The following GRIA1 variants were observed in gnomAD, a reference collection of about 807,000 sequenced individuals.
GRIA1 encodes the protein glutamate receptor 1.
In GRIA1, 31 loss-of-function variants were observed where a neutral mutation model predicts 99.2. The observed-to-expected ratio is 0.31, with a 90% confidence interval of 0.23 to 0.42. The LOEUF is 0.42. GRIA1 is among the 10% of genes least tolerant of loss of function. The pLI is 1.00. For synonymous variants in GRIA1, 438 were observed against 432.4 expected, an observed-to-expected ratio of 1.01 and a Z score of -0.16; for missense variants, 782 against 1,157.5, an observed-to-expected ratio of 0.68 and a Z score of 4.71.
At chr5:153,576,797 T>C (rs1333849871) in intron 2 of GRIA1, among the ~76,000 whole-genome samples, 1 of 152,242 alleles carries the variant, frequency 6.6e-6, no homozygotes, top group Non-Finnish European at 1.5e-5. Context: ...GTGAAGGTTT[T>C]ATTGCCACTG....
intron 11 of GRIA1, among the ~76,000 whole-genome samples, chr5:153,722,806 G>A (rs1378168757): frequency 2.0e-5 from 3 of 152,182 alleles, no homozygotes; most frequent in African/African-American, 2.4e-5. Flanking sequence ...AGACTCCTAC[G>A]AGAAAATGTC....
intron 11 of GRIA1, among the ~76,000 whole-genome samples, chr5:153,738,860 T>C (rs1761577317): frequency 6.6e-6 from 1 of 151,798 alleles, no homozygotes. Context: ...GTAGCTGGGA[T>C]TACAGGCATG....
chr5:153,562,295 G>A (rs890290166), intron 2 of GRIA1, among the ~76,000 whole-genome samples: 3 of 152,136 alleles, frequency 2.0e-5, no homozygotes, highest in Admixed American at 6.5e-5. Context: ...GTGCATATGA[G>A]GGAGTTACAG....
At chr5:153,762,312 CAA>C (rs1001386999) in intron 11 of GRIA1, among the ~76,000 whole-genome samples, 2 of 152,024 alleles carry the variant, frequency 1.3e-5, no homozygotes, top group East Asian at 1.9e-4. Flanking sequence ...CAGTTGAAAA[CAA>C]AATAAAATTT....
At chr5:153,547,783 G>C (rs1431822394) in intron 2 of GRIA1, among the ~76,000 whole-genome samples, 1 of 152,124 alleles carries the variant, frequency 6.6e-6, no homozygotes, top group African/African-American at 2.4e-5. Context: ...GGAGTAATTA[G>C]CTGGAAGGAT....
rs143290794 is a variant in GRIA1, at chr5:153,626,964, C to T, written c.221-19964C>T. On this transcript the variant is annotated intron_variant, in intron 2 of 15. Transcript: ENST00000285900. ...AATTAGCACAACTGATAAAGATGCT[C>T]TCTAAAGCACCTTCGGTTCTGATAG... Among the ~76,000 whole-genome samples the T allele has an allele frequency of 3.4e-3, 512 of 152,278 alleles. 6 individuals are homozygous for T. The highest frequency in any genetic ancestry group is 0.012 in the African/African-American group (487 of 41,574).
chr5:153,622,558 T>C (rs1288598252), intron 2 of GRIA1, among the ~76,000 whole-genome samples: 2 of 151,008 alleles, frequency 1.3e-5, no homozygotes, highest in Non-Finnish European at 3.0e-5. Context: ...CCTGGCAGCT[T>C]GAAAGAAATA....
chr5:153,600,056 A>G (rs1170451907), intron 2 of GRIA1, among the ~76,000 whole-genome samples: 3 of 152,110 alleles, frequency 2.0e-5, no homozygotes, highest in Admixed American at 6.6e-5. Flanking sequence ...CGGTCGTCAG[A>G]GAGTCTACAG....
intron 12 of GRIA1, among the ~76,000 whole-genome samples, chr5:153,767,088 G>A (rs138194173): frequency 0.015 from 2,246 of 152,220 alleles, 20 homozygotes; most frequent in Non-Finnish European, 0.023. Flanking sequence ...ATGTATACAG[G>A]AAGGGAAACT....
chr5:153,674,716 C>G, intron 6 of GRIA1, 55 bp downstream of exon 6: 1 of 1,560,276 alleles, frequency 6.4e-7, no homozygotes, highest in Non-Finnish European at 8.8e-7. Flanking sequence ...TTGCCTGCCC[C>G]AGATTTCTGA....
chr5:153,686,869 C>G (rs1757376592), intron 8 of GRIA1, among the ~76,000 whole-genome samples: 1 of 152,142 alleles, frequency 6.6e-6, no homozygotes, highest in Non-Finnish European at 1.5e-5. Flanking sequence ...TCGAATTCTA[C>G]CAGAACCTAT....
At chr5:153,691,661 A>G (rs536422414) in intron 8 of GRIA1, among the ~76,000 whole-genome samples, 3 of 152,256 alleles carry the variant, frequency 2.0e-5, no homozygotes, top group Non-Finnish European at 2.9e-5. Context: ...TTGTTACCCA[A>G]TTTTGACCAT....
At chr5:153,719,374 C>G (rs1342889783) in intron 11 of GRIA1, among the ~76,000 whole-genome samples, 1 of 151,940 alleles carries the variant, frequency 6.6e-6, no homozygotes, top group Non-Finnish European at 1.5e-5. Flanking sequence ...TGGAAAGGGG[C>G]ACCATGGATG....
chr5:153,631,157 CA>C (rs1422834130), intron 2 of GRIA1, among the ~76,000 whole-genome samples: 2 of 152,162 alleles, frequency 1.3e-5, no homozygotes, highest in Admixed American at 6.5e-5. Flanking sequence ...GCTGTGCCCT[CA>C]AAAATTTGTC....
intron 2 of GRIA1, among the ~76,000 whole-genome samples, chr5:153,497,348 T>A (rs1754541262): frequency 6.6e-6 from 1 of 152,164 alleles, no homozygotes; most frequent in South Asian, 2.1e-4. Context: ...GAAATGCTGA[T>A]TGAGATTATT....
At chr5:153,723,378 C>A (rs1462744998) in intron 11 of GRIA1, among the ~76,000 whole-genome samples, 1 of 152,200 alleles carries the variant, frequency 6.6e-6, no homozygotes, top group African/African-American at 2.4e-5. Context: ...CTAGGGAGTG[C>A]CAGACAGTGG....
intron 2 of GRIA1, among the ~76,000 whole-genome samples, chr5:153,625,366 G>A (rs1484087050): frequency 6.6e-6 from 1 of 152,184 alleles, no homozygotes; most frequent in African/African-American, 2.4e-5. Context: ...GGTCTCTAAG[G>A]AGCCTTTCTA....
At chr5:153,569,890 A>G (rs1252194548) in intron 2 of GRIA1, among the ~76,000 whole-genome samples, 1 of 152,218 alleles carries the variant, frequency 6.6e-6, no homozygotes, top group Non-Finnish European at 1.5e-5. Context: ...CAGAAAAGTG[A>G]TCTAACTTTC....
chr5:153,805,849 C>T (rs1766390121), intron 15 of GRIA1, among the ~76,000 whole-genome samples: 1 of 152,196 alleles, frequency 6.6e-6, no homozygotes, highest in Non-Finnish European at 1.5e-5. Context: ...CTCTTGGAAT[C>T]ATTAATATAA....
Sources: allele counts gnomAD v4.1 joint callset (sites outside exome capture counted in the v4.1 genomes callset), GRCh38; gene constraint gnomAD v4.1.1; transcripts MANE v1.5; gene names NCBI Gene and HGNC (gene_info 2026-07-23, HGNC 2026-07-21).